Variants in ZDHHC15 observed in about 807,000 individuals in gnomAD.
The protein encoded by ZDHHC15 is zDHHC palmitoyltransferase 15.
A neutral mutation model predicts 31.7 loss-of-function variants in ZDHHC15; 19 were observed. The observed-to-expected ratio is 0.60, with a 90% CI of 0.42 to 0.88. The LOEUF (loss-of-function observed/expected upper bound fraction) is 0.88. ZDHHC15 is among the 40% of genes least tolerant of loss of function. ZDHHC15 has a pLI of 0.00. For missense variants in ZDHHC15, 209 were observed against 251.2 expected, an observed-to-expected ratio of 0.83 and a Z score of 1.14; for synonymous variants, 103 against 90.0, an observed-to-expected ratio of 1.14 and a Z score of -0.82.
chrX:75,483,951 C>T (rs368931682), intron 2 of ZDHHC15, among the ~76,000 whole-genome samples: 1 of 111,352 alleles, frequency 9.0e-6, no homozygotes, highest in Non-Finnish European at 1.9e-5. Flanking sequence ...CAACGTGGTT[C>T]CCTCAGAATG....
At chrX:75,421,448 T>TATA (rs2083639500) in intron 9 of ZDHHC15, among the ~76,000 whole-genome samples, 2 of 45,471 alleles carry the variant, frequency 4.4e-5, no homozygotes, top group African/African-American at 1.9e-4. Context: ...ATATTATATA[T>TATA]ATATATTCCC....
At chrX:75,471,833 C>G (rs1331827706) in intron 3 of ZDHHC15, among the ~76,000 whole-genome samples, 3 of 111,652 alleles carry the variant, frequency 2.7e-5, no homozygotes, top group Non-Finnish European at 5.6e-5. Context: ...GGCAGGCTCC[C>G]ACAGGTGAAT....
chrX:75,429,099 G>A lies in ZDHHC15; in HGVS notation c.582C>T (p.Ser194=), dbSNP rs780159245. 2 of 1,208,564 alleles carry A rather than the reference G, an allele frequency of 1.7e-6. No individual in the cohort carries two copies. The highest frequency in any genetic ancestry group is 2.2e-6 in the Non-Finnish European group (2 of 894,302). Residue 194 remains serine (S), a synonymous_variant, in exon 7 of 12, where the codon AGC becomes AGT. Transcript: ENST00000373367. ...TTACTCTCCAGTATTTGATGAAATA[G>A]CTGAAGACTGTCGTAGCAATGTACA... ...YCLYIATTVF[S]YFIKYWRGEL...
At chrX:75,450,410 GT>G (rs1022696507) in intron 4 of ZDHHC15, among the ~76,000 whole-genome samples, 2 of 111,593 alleles carry the variant, frequency 1.8e-5, no homozygotes, top group Non-Finnish European at 3.8e-5. Context: ...GATTATGCAT[GT>G]TTTTGTATGT....
intron 3 of ZDHHC15, among the ~76,000 whole-genome samples, chrX:75,469,351 C>T (rs1024437882): frequency 2.7e-5 from 3 of 111,887 alleles, no homozygotes; most frequent in African/African-American, 9.7e-5. Context: ...GAACTTTATT[C>T]ATCTTCCCAA....
At chrX:75,393,562 A>C (rs1279184613) in intron 10 of ZDHHC15, among the ~76,000 whole-genome samples, 2 of 111,440 alleles carry the variant, frequency 1.8e-5, no homozygotes, top group Non-Finnish European at 3.8e-5. Flanking sequence ...CTCTCTAAAC[A>C]GTTCATGCCA....
chrX:75,482,389 C>G (rs570891725), intron 2 of ZDHHC15, among the ~76,000 whole-genome samples: 1 of 112,162 alleles, frequency 8.9e-6, no homozygotes, highest in East Asian at 2.8e-4. Context: ...CTGGGAGTAT[C>G]TCTAATACTG....
intron 8 of ZDHHC15, among the ~76,000 whole-genome samples, chrX:75,423,631 A>C (rs2083676313): frequency 2.0e-5 from 2 of 100,911 alleles, no homozygotes; most frequent in South Asian, 9.8e-4. Flanking sequence ...CGGCTTTGCT[A>C]TTGTGAATAG....
chrX:75,373,790 A>T (rs761312232), intron 11 of ZDHHC15, among the ~76,000 whole-genome samples: 1 of 111,035 alleles, frequency 9.0e-6, no homozygotes, highest in South Asian at 3.8e-4. Flanking sequence ...GGTATCCATC[A>T]CCTCAAGCAT....
intron 10 of ZDHHC15, among the ~76,000 whole-genome samples, chrX:75,408,924 T>C (rs1469045637): frequency 1.8e-5 from 2 of 111,472 alleles, no homozygotes; most frequent in East Asian, 5.6e-4. Context: ...TATAAAACAT[T>C]GATGAAAAAG....
chrX:75,388,900 G>A (rs779050916), intron 10 of ZDHHC15, among the ~76,000 whole-genome samples: 6 of 112,072 alleles, frequency 5.4e-5, no homozygotes, highest in Non-Finnish European at 1.1e-4. Flanking sequence ...CAAAAATCAT[G>A]TGAGAGATCA....
chrX:75,428,981 T>A (rs1936915), intron 7 of ZDHHC15, 97 bp downstream of exon 7: 208,189 of 1,092,211 alleles, frequency 0.19, 20,995 homozygotes, highest in East Asian at 0.9. Flanking sequence ...CAGTATTAGC[T>A]ATTTAAAAAT....
intron 2 of ZDHHC15, among the ~76,000 whole-genome samples, chrX:75,494,484 A>T (rs1386260218): frequency 1.8e-5 from 2 of 111,609 alleles, no homozygotes; most frequent in Non-Finnish European, 3.8e-5. Context: ...AGTCAATCCT[A>T]AGCCAAAAGA....
chrX:75,435,301 A>T (rs1461089013), intron 4 of ZDHHC15, among the ~76,000 whole-genome samples: 1 of 111,536 alleles, frequency 9.0e-6, no homozygotes, highest in Non-Finnish European at 1.9e-5. Context: ...TGACTGTTTG[A>T]CTTCCTCTTT....
chrX:75,513,292 T>C (rs1284277159), intron 1 of ZDHHC15, among the ~76,000 whole-genome samples: 1 of 111,976 alleles, frequency 8.9e-6, no homozygotes, highest in East Asian at 2.8e-4. Context: ...ATAGCTATTT[T>C]TATTTTTTAA....
chrX:75,384,619 C>T (rs891515257), intron 10 of ZDHHC15: 54 of 825,405 alleles, frequency 6.5e-5, no homozygotes, highest in South Asian at 8.5e-5. Context: ...AATTAATGTG[C>T]GTATTGAGCA....
At chrX:75,392,468 T>C (rs1257839683) in intron 10 of ZDHHC15, among the ~76,000 whole-genome samples, 1 of 112,094 alleles carries the variant, frequency 8.9e-6, no homozygotes, top group South Asian at 3.7e-4. Flanking sequence ...CTTTGTATTC[T>C]TCAGTCCAAT....
chrX:75,509,925 A>C (rs1602758430), intron 1 of ZDHHC15, among the ~76,000 whole-genome samples: 1 of 112,308 alleles, frequency 8.9e-6, no homozygotes. Context: ...TGGTATTAAA[A>C]TAATTTATTC....
At chrX:75,488,569 T>G (rs949647752) in intron 2 of ZDHHC15, among the ~76,000 whole-genome samples, 5 of 112,487 alleles carry the variant, frequency 4.4e-5, no homozygotes, top group East Asian at 5.6e-4. Flanking sequence ...TAAAATTTCC[T>G]TAAAGCATAA....
Sources: allele counts gnomAD v4.1 joint callset (sites outside exome capture counted in the v4.1 genomes callset), GRCh38; gene constraint gnomAD v4.1.1; transcripts MANE v1.5; gene names NCBI Gene and HGNC (gene_info 2026-07-23, HGNC 2026-07-21).